The following BBS4 variants were observed in gnomAD, a reference collection of about 807,000 sequenced individuals.
The protein encoded by BBS4 is BBSome complex member BBS4.
Under a neutral mutation model 71.4 loss-of-function variants are expected in BBS4, and 58 were observed. The observed-to-expected ratio is 0.81, with a 90% CI of 0.66 to 1.01. The LOEUF (loss-of-function observed/expected upper bound fraction) is 1.01, where lower values mean the gene tolerates loss of function less well. BBS4 is among the 50% of genes least tolerant of loss of function. The probability of loss-of-function intolerance (pLI) is 0.00; values close to 1 mark genes in which losing one functional copy is unlikely to be tolerated. For missense variants in BBS4, 660 were observed against 607.9 expected (o/e 1.09, Z -0.90); for synonymous variants, 228 against 216.8 (o/e 1.05, Z -0.46).
intron 2 of BBS4, among the ~76,000 whole-genome samples, chr15:72,707,837 A>G (rs1344465338): frequency 6.6e-6 from 1 of 152,192 alleles, no homozygotes; most frequent in Non-Finnish European, 1.5e-5. Flanking sequence ...AGCCATTTTC[A>G]ATGACTCAAC....
At chr15:72,708,540 A>T (rs57426164) in intron 2 of BBS4, among the ~76,000 whole-genome samples, 508 of 152,320 alleles carry the variant, frequency 3.3e-3, no homozygotes, top group African/African-American at 0.011. Flanking sequence ...TGTTTGAACA[A>T]TATGAAATCA....
At chr15:72,708,538 C>T (rs1015945779) in intron 2 of BBS4, among the ~76,000 whole-genome samples, 2 of 152,016 alleles carry the variant, frequency 1.3e-5, no homozygotes, top group South Asian at 2.1e-4. Flanking sequence ...TGTGTTTGAA[C>T]AATATGAAAT....
In BBS4 at chr15:72,689,678, T is replaced by C. The variant is rs553081511; in HGVS notation, c.24+3427T>C. On this transcript the variant is annotated intron_variant, in intron 1 of 15. Transcript: ENST00000268057. Reference sequence around the variant, plus strand: ...TTGAGGCTCCAGTGAGCCATGATCATGCCACTGGACTCCAGCAGGGGCAGA... The same window carrying C: ...TTGAGGCTCCAGTGAGCCATGATCACGCCACTGGACTCCAGCAGGGGCAGA... Among the ~76,000 whole-genome samples, 3 of 151,242 alleles carry C rather than the reference T, an allele frequency of 2.0e-5. No homozygotes were observed. The South Asian group carries it at 6.3e-4, about 32-fold the overall frequency.
chr15:72,718,964 C>G (rs1343214270), intron 6 of BBS4, among the ~76,000 whole-genome samples: 3 of 152,138 alleles, frequency 2.0e-5, no homozygotes, highest in Non-Finnish European at 4.4e-5. Context: ...GATGTGAATT[C>G]TGGAGTCAGC....
intron 1 of BBS4, among the ~76,000 whole-genome samples, chr15:72,688,411 C>CTTTTGTTTTTTTTTTTTTTTT (rs2064915186): frequency 2.4e-5 from 2 of 83,052 alleles, no homozygotes; most frequent in Admixed American, 2.1e-4. Flanking sequence ...GGTATTTTAT[C>CTTTTGTTTTTTTTTTTTTTTT]TTTTTTTTTT....
chr15:72,686,659 G>A, intron 1 of BBS4: 1 of 976,026 alleles, frequency 1.0e-6, no homozygotes, highest in South Asian at 1.3e-5. Context: ...CCTTCTGCCA[G>A]TGGAGCGGGA....
chr15:72,709,265 C>T (rs907682884), intron 2 of BBS4, among the ~76,000 whole-genome samples: 3 of 152,192 alleles, frequency 2.0e-5, no homozygotes, highest in African/African-American at 7.2e-5. Flanking sequence ...TCTTAGCCGG[C>T]TGACGCTTAT....
intron 9 of BBS4, 111 bp from the exon 10 acceptor site, chr15:72,729,505 C>G (rs552022309): frequency 1.0e-6 from 1 of 977,310 alleles, no homozygotes; most frequent in East Asian, 2.4e-5. Context: ...CCACCTTAGC[C>G]TCCCAAAGTG....
intron 2 of BBS4, among the ~76,000 whole-genome samples, chr15:72,700,795 A>G (rs1010618653): frequency 6.6e-6 from 1 of 152,064 alleles, no homozygotes; most frequent in African/African-American, 2.4e-5. Context: ...CCAATTTACT[A>G]TTATTTTTCT....
chr15:72,697,114 G>A (rs1010064055), intron 2 of BBS4, among the ~76,000 whole-genome samples: 1 of 151,858 alleles, frequency 6.6e-6, no homozygotes, highest in Non-Finnish European at 1.5e-5. Flanking sequence ...TTTATTTTTA[G>A]TACAGATGGG....
intron 2 of BBS4, among the ~76,000 whole-genome samples, chr15:72,702,100 C>T (rs948923940): frequency 6.6e-6 from 1 of 152,010 alleles, no homozygotes; most frequent in Non-Finnish European, 1.5e-5. Context: ...CCTGCCTCGG[C>T]CTCCCAAAGT....
chr15:72,730,104 G>A (rs1463548244), intron 10 of BBS4, among the ~76,000 whole-genome samples: 3 of 149,552 alleles, frequency 2.0e-5, no homozygotes, highest in Non-Finnish European at 4.4e-5. Flanking sequence ...GTGAAACCCC[G>A]TCTCTACTAA....
At chr15:72,691,780 T>C (rs2064988330) in intron 1 of BBS4, among the ~76,000 whole-genome samples, 1 of 152,054 alleles carries the variant, frequency 6.6e-6, no homozygotes, top group Non-Finnish European at 1.5e-5. Context: ...CTGGCCAACA[T>C]GGTGCAACTC....
rs774659983 is a variant in BBS4, at chr15:72,735,048, A to G, written c.1037-65A>G. On this transcript the variant is annotated intron_variant, in intron 12 of 15. Coordinates refer to ENST00000268057, the MANE Select transcript of BBS4 (RefSeq NM_033028.5). ...ACAGGGTGAAGTTTACTTTGGGGGT[A>G]GTCTTTAATACTCCTTTTGTCTTCT... 1.1e-5 allele frequency: 13 copies of G among 1,175,380 alleles called. 1 individual carries two copies. In the South Asian group the frequency reaches 1.5e-4, roughly 13 times the overall value. The allele number at this position is 1,175,380 out of a possible 1,614,324, so 72.8% of individuals were successfully genotyped here.
Position 72,738,008 on chromosome 15 carries a change from G to A in BBS4, c.*421G>A, listed in dbSNP as rs779304100. 1 of 454,088 alleles carries A rather than the reference G, an allele frequency of 2.2e-6. No homozygotes were observed. The highest frequency in any genetic ancestry group is 2.0e-5 in the African/African-American group (1 of 49,994). 28.1% of individuals were successfully genotyped at this position (454,088 alleles called of 1,614,324 possible). ...ATGACAAAGCCTTGGTTTAACTGAGGTGATCCTCAGGTTGTGAGGTTTATT... is the reference window on the plus strand; with the variant it reads ...ATGACAAAGCCTTGGTTTAACTGAGATGATCCTCAGGTTGTGAGGTTTATT... On this transcript the variant is annotated 3_prime_UTR_variant, in exon 16 of 16. Transcript: ENST00000268057.
At chr15:72,729,710 C>G in intron 10 of BBS4, 26 bp downstream of exon 10, 1 of 1,602,712 alleles carries the variant, frequency 6.2e-7, no homozygotes, top group Non-Finnish European at 8.6e-7. Context: ...AAGGCTCTGG[C>G]CTTCATATAG....
Position 72,724,661 on chromosome 15 carries a change from T to C in BBS4, c.587+6T>C. The C allele has an allele frequency of 1.2e-6, 2 of 1,613,818 alleles. No homozygotes were observed. The highest frequency in any genetic ancestry group is 2.2e-5 in the South Asian group (2 of 91,062). On this transcript the variant is annotated splice_donor_region_variant and intron_variant, in intron 8 of 15. Transcript: ENST00000268057. ...GTCTACAAGAAAGCAGTGGAGTAAG[T>C]GTATCTGTTTCCTTTAAAACAGTGA...
At chr15:72,704,530 G>C (rs2065229592) in intron 2 of BBS4, 1 of 1,055,956 alleles carries the variant, frequency 9.5e-7, no homozygotes, top group Non-Finnish European at 1.3e-6. Flanking sequence ...AGGGATTTCT[G>C]AGGTATCCAG....
At chr15:72,694,193 C>CTTT (rs34852416) in intron 1 of BBS4, among the ~76,000 whole-genome samples, 1 of 135,404 alleles carries the variant, frequency 7.4e-6, no homozygotes, top group African/African-American at 2.7e-5. Flanking sequence ...CCTTTCTTTC[C>CTTT]TTTTTTTTTT....
Sources: allele counts gnomAD v4.1 joint callset (sites outside exome capture counted in the v4.1 genomes callset), GRCh38; gene constraint gnomAD v4.1.1; transcripts MANE v1.5; gene names NCBI Gene and HGNC (gene_info 2026-07-23, HGNC 2026-07-21).